The following POGLUT2 variants were observed in gnomAD, a reference collection of about 807,000 sequenced individuals.
POGLUT2 encodes ER protein 58.
A neutral mutation model predicts 57.6 loss-of-function variants in POGLUT2; 47 were observed. The observed-to-expected ratio is 0.82, with a 90% CI of 0.65 to 1.04. The LOEUF (loss-of-function observed/expected upper bound fraction) is 1.04. Ranked by LOEUF, POGLUT2 falls within the 50% of genes least tolerant of loss-of-function variation. The pLI is 0.00. For synonymous variants in POGLUT2, 200 were observed against 218.8 expected (o/e 0.91, Z 0.76); for missense variants, 565 against 614.8 (o/e 0.92, Z 0.86).
intron 6 of POGLUT2, among the ~76,000 whole-genome samples, chr13:102,790,104 T>A (rs1301216656): frequency 1.3e-5 from 2 of 152,234 alleles, no homozygotes; most frequent in African/African-American, 4.8e-5. Flanking sequence ...ACTTTGGTTA[T>A]AATCATTTCT....
At chr13:102,796,293 C>CAAAAAAAAAAAAAAAAAAAAAAAAAAA (rs151064207) in intron 2 of POGLUT2, among the ~76,000 whole-genome samples, 3 of 100,738 alleles carry the variant, frequency 3.0e-5, no homozygotes, top group African/African-American at 7.4e-5. Context: ...GACTCTGCCT[C>CAAAAAAAAAAAAAAAAAAAAAAAAAAA]AAAAAAAAAA....
At chr13:102,793,928 A>T in intron 2 of POGLUT2, 122 bp from the exon 3 acceptor site, 1 of 815,322 alleles carries the variant, frequency 1.2e-6, no homozygotes, top group Admixed American at 2.3e-5. Context: ...GAGCATTTTC[A>T]TTGAAAACAC....
intron 2 of POGLUT2, among the ~76,000 whole-genome samples, chr13:102,794,446 G>A (rs1216518936): frequency 6.6e-6 from 1 of 152,040 alleles, no homozygotes; most frequent in African/African-American, 2.4e-5. Context: ...TGGATAACTT[G>A]AGGTCAGGAG....
Position 102,784,440 on chromosome 13 carries a change from T to A in POGLUT2, c.*55A>T. ...TTAATACTTAAAAAAATTCTTCTTT[T>A]TAGTTAAGAAGAGTCTTCAGAGCAC... On this transcript the variant is annotated 3_prime_UTR_variant, in exon 10 of 10. Transcript: ENST00000376004. 9.1e-7 allele frequency: 1 copy of A among 1,095,412 alleles called. No homozygotes were observed. The highest frequency in any genetic ancestry group is 2.4e-5 in the East Asian group (1 of 42,316). 67.9% of individuals were successfully genotyped at this position (1,095,412 alleles called of 1,614,324 possible).
intron 2 of POGLUT2, among the ~76,000 whole-genome samples, chr13:102,794,176 G>A (rs1878289339): frequency 6.6e-6 from 1 of 152,042 alleles, no homozygotes; most frequent in Admixed American, 6.6e-5. Flanking sequence ...GGTTGAAGCT[G>A]CAGTGAGCCA....
Position 102,798,928 on chromosome 13 carries a change from C to A in POGLUT2, c.-258G>T. On this transcript the variant is annotated 5_prime_UTR_variant, in exon 1 of 10. Transcript: ENST00000376004. ...GCCGAGAACCGCGCTGCTCCTCTCT[C>A]TCAGGACAATGATGAACTTGAGTTG... 1 of 451,324 alleles carries A rather than the reference C, an allele frequency of 2.2e-6. No individual in the cohort carries two copies. Among genetic ancestry groups the A allele is most frequent in the South Asian group, 5.0e-5 (1 of 19,990 alleles). The allele number at this position is 451,324 out of a possible 1,614,324, so 28.0% of individuals were successfully genotyped here. A position where few individuals can be genotyped will look rare whatever the true frequency, so the allele number is the denominator to read the frequency against.
At chr13:102,792,251 T>C (rs1878208790) in intron 4 of POGLUT2, 1 of 226,540 alleles carries the variant, frequency 4.4e-6, no homozygotes, top group Admixed American at 6.5e-5. Flanking sequence ...CAAATAAATA[T>C]AATAGATTAC....
chr13:102,796,947 A>T lies in POGLUT2; in HGVS notation c.245T>A (p.Phe82Tyr). The T allele has an allele frequency of 6.2e-7, 1 of 1,613,882 alleles. No homozygotes were observed. The highest frequency in any genetic ancestry group is 1.1e-5 in the South Asian group (1 of 91,066). Residue 82 changes from phenylalanine (F) to tyrosine (Y), a missense_variant, in exon 2 of 10, where the codon TTC becomes TAC. By Grantham distance (22) the Phe-to-Tyr change is conservative. Transcript: ENST00000376004. Reference protein sequence around the residue: ...QVKVSAPEEQFTRVGVQVLDR... With the variant: ...QVKVSAPEEQYTRVGVQVLDR... ...TAAAACCTGGACTCCAACTCTAGTG[A>T]ATTGCTCCTCTGGTGCTGAGACTTT...
In POGLUT2 at chr13:102,789,035, A is replaced by AT; in HGVS notation, c.1269dup (p.Trp424MetfsTer7). The AT allele has an allele frequency of 6.2e-7, 1 of 1,614,016 alleles. No individual in the cohort carries two copies. Among genetic ancestry groups the AT allele is most frequent in the Non-Finnish European group, 8.5e-7 (1 of 1,179,942 alleles). ...ACCTCTTCATCGTGATCTTTCGCCC[A>AT]TTTAAGTTTTTCTAGCAGATCGCTC... On this transcript the variant is annotated frameshift_variant, in exon 7 of 10. Coordinates refer to ENST00000376004, the MANE Select transcript of POGLUT2 (RefSeq NM_024089.3). LOFTEE classifies it high-confidence loss of function.
Position 102,798,592 on chromosome 13 carries a change from G to A in POGLUT2, c.79C>T (p.Leu27=). ...ALAETGGERQ[L]SPEKSEIWGP... Reference sequence around the variant, plus strand: ...CATATTTCGCTCTTCTCCGGGCTCAGCTGCCTTTCTCCGCCGGTCTCGGCG... The same window carrying A: ...CATATTTCGCTCTTCTCCGGGCTCAACTGCCTTTCTCCGCCGGTCTCGGCG... The change falls in exon 1 of 10, where the codon CTG becomes TTG. Residue 27 remains leucine (L), a synonymous_variant. Coordinates refer to ENST00000376004, the MANE Select transcript of POGLUT2 (RefSeq NM_024089.3). The A allele has an allele frequency of 6.2e-7, 1 of 1,613,644 alleles. No homozygotes were observed. The highest frequency in any genetic ancestry group is 8.5e-7 in the Non-Finnish European group (1 of 1,179,760).
chr13:102,795,250 C>CAAAAAAAAAAAA (rs58015405), intron 2 of POGLUT2, among the ~76,000 whole-genome samples: 1 of 42,652 alleles, frequency 2.3e-5, no homozygotes, highest in Admixed American at 2.3e-4. Context: ...GACATCGTCT[C>CAAAAAAAAAAAA]AAAAAAAAAA....
At chr13:102,792,641 G>C (rs538098655) in intron 4 of POGLUT2, among the ~76,000 whole-genome samples, 2 of 152,164 alleles carry the variant, frequency 1.3e-5, no homozygotes, top group Non-Finnish European at 2.9e-5. Flanking sequence ...AGACATGAGG[G>C]GAGAAGCCCA....
At chr13:102,795,212 A>C (rs1362016879) in intron 2 of POGLUT2, among the ~76,000 whole-genome samples, 1 of 142,364 alleles carries the variant, frequency 7.0e-6, no homozygotes, top group Non-Finnish European at 1.5e-5. Context: ...AGATTGCACC[A>C]CTGCACTCTA....
At chr13:102,792,993 C>G (rs1878239127) in intron 4 of POGLUT2, among the ~76,000 whole-genome samples, 1 of 152,182 alleles carries the variant, frequency 6.6e-6, no homozygotes, top group Non-Finnish European at 1.5e-5. Flanking sequence ...CCAGCCTGGT[C>G]TCAAGCTCCT....
At chr13:102,794,367 G>A (rs895098227) in intron 2 of POGLUT2, among the ~76,000 whole-genome samples, 2 of 151,836 alleles carry the variant, frequency 1.3e-5, no homozygotes, top group African/African-American at 4.8e-5. Context: ...GAGTTCAAAA[G>A]AAAGGAAATA....
At chr13:102,790,594 C>G (rs868017342) in intron 6 of POGLUT2, among the ~76,000 whole-genome samples, 1 of 152,138 alleles carries the variant, frequency 6.6e-6, no homozygotes, top group African/African-American at 2.4e-5. Context: ...AAATGACTTA[C>G]ATGTAAGTAT....
At chr13:102,793,453 A>G in intron 3 of POGLUT2, 35 bp from the exon 4 acceptor site, 2 of 1,416,972 alleles carry the variant, frequency 1.4e-6, no homozygotes, top group South Asian at 2.3e-5. Context: ...ATGTTAGTCT[A>G]AAGACGCTGG....
Position 102,796,972 on chromosome 13 carries a change from T to A in POGLUT2, c.220A>T (p.Lys74Ter). 6.2e-7 allele frequency: 1 copy of A among 1,613,644 alleles called. No homozygotes were observed. The highest frequency in any genetic ancestry group is 8.5e-7 in the Non-Finnish European group (1 of 1,179,812). ...SSPGEKVFQV[K>*]VSAPEEQFTR... ...AATTGCTCCTCTGGTGCTGAGACTTTCACCTGGAAGACCTTTTCGCCTGGA... is the reference window on the plus strand; with the variant it reads ...AATTGCTCCTCTGGTGCTGAGACTTACACCTGGAAGACCTTTTCGCCTGGA... The change falls in exon 2 of 10, where the codon AAA (lysine) becomes TAA (stop). Residue 74 changes from lysine (K) to a stop codon, truncating the protein, a stop_gained. Transcript: ENST00000376004. LOFTEE classifies it high-confidence loss of function.
intron 2 of POGLUT2, 60 bp downstream of exon 2, chr13:102,796,744 T>C (rs1245381072): frequency 5.5e-6 from 4 of 724,230 alleles, no homozygotes; most frequent in Non-Finnish European, 8.8e-6. Context: ...TTTTTGTTGA[T>C]GGAATAACAT....
Sources: gnomAD v4.1 joint callset for allele counts (sites outside exome capture counted in the v4.1 genomes callset) on GRCh38, gnomAD v4.1.1 for gene constraint, MANE v1.5 for transcripts, NCBI Gene and HGNC (gene_info 2026-07-23, HGNC 2026-07-21) for gene names.